The following FARP1 variants were observed in gnomAD, a reference collection of about 807,000 sequenced individuals.
The protein encoded by FARP1 is FERM, ARHGEF and pleckstrin domain-containing protein 1.
Under a neutral mutation model 128.8 loss-of-function variants are expected in FARP1, and 52 were observed. The ratio of observed to expected loss-of-function variants is 0.40; its 90% CI spans 0.32 to 0.51. The LOEUF (loss-of-function observed/expected upper bound fraction) is 0.51. Among genes scored for constraint, FARP1 ranks in the 20% least tolerant of loss-of-function variants. The pLI, the probability that FARP1 is intolerant of heterozygous loss-of-function variation, is 0.45. For synonymous variants in FARP1, 580 were observed against 551.8 expected, an observed-to-expected ratio of 1.05 and a Z score of -0.72; for missense variants, 1,333 against 1,367.9, an observed-to-expected ratio of 0.97 and a Z score of 0.40.
At chr13:98,281,167 A>G (rs1200336759) in intron 2 of FARP1, among the ~76,000 whole-genome samples, 68 of 152,306 alleles carry the variant, frequency 4.5e-4, no homozygotes, top group South Asian at 2.1e-4. Context: ...TAGCCTGGCC[A>G]ACATGGTAAA....
chr13:98,411,975 A>C lies in FARP1; in HGVS notation c.1767A>C (p.Glu589Asp). ...AAAGTCTCATATTCCCGAATTTTGA[A>C]CCTTTGCACAAATTTCATACTAATT... is the stretch of plus-strand genomic sequence containing the variant. The part of the protein sequence containing the change: ...ALKSLIFPNF[E>D]PLHKFHTNFL... The change falls in exon 16 of 27, where the codon GAA becomes GAC. Residue 589 changes from glutamate to aspartate, a missense_variant. Around this residue, in one of 2 missense-constraint regions of FARP1, gnomAD observed 1,009 missense variants for 969.8 expected, o/e 1.04. Coordinates refer to ENST00000319562, the MANE Select transcript of FARP1 (RefSeq NM_005766.4). 1 of 1,614,068 alleles carries C rather than the reference A, an allele frequency of 6.2e-7. No individual in the cohort carries two copies.
At chr13:98,191,479 A>G (rs1013301626) in intron 1 of FARP1, among the ~76,000 whole-genome samples, 6 of 152,244 alleles carry the variant, frequency 3.9e-5, no homozygotes, top group African/African-American at 1.4e-4. Flanking sequence ...TGAAGTATTC[A>G]TCAATATGAG....
chr13:98,399,458 T>G (rs1890676804), intron 13 of FARP1: 1 of 152,244 alleles, frequency 6.6e-6, no homozygotes, highest in South Asian at 2.1e-4. Context: ...GCAGATCTCA[T>G]TCTAGCTTAA....
At chr13:98,401,820 T>C (rs765727083) in intron 13 of FARP1, 1 of 152,212 alleles carries the variant, frequency 6.6e-6, no homozygotes, top group Non-Finnish European at 1.5e-5. Context: ...TCCTGAAAGC[T>C]TTAAACATTG....
At chr13:98,412,443 A>G (rs1891228323) in intron 16 of FARP1, among the ~76,000 whole-genome samples, 1 of 152,242 alleles carries the variant, frequency 6.6e-6, no homozygotes, top group Non-Finnish European at 1.5e-5. Flanking sequence ...TCTGTATTCT[A>G]TTCCAGTGTT....
In FARP1 at chr13:98,343,933, G is replaced by C. The variant is rs867401684; in HGVS notation, c.276+67G>C. 2.8e-4 allele frequency: 284 copies of C among 1,026,746 alleles called. 2 individuals carry two copies. In the African/African-American group the frequency reaches 3.9e-3, roughly 14 times the overall value. The allele number at this position is 1,026,746 out of a possible 1,614,324, so 63.6% of individuals were successfully genotyped here. Reference sequence around the variant, plus strand: ...CATCTTGGTGGGGGGCTGGGCAGGGGCCAGTCTAAATGATTGTGAGTGAGA... The same window carrying C: ...CATCTTGGTGGGGGGCTGGGCAGGGCCCAGTCTAAATGATTGTGAGTGAGA... On this transcript the variant is annotated intron_variant, in intron 3 of 26. Transcript: ENST00000319562.
intron 17 of FARP1, among the ~76,000 whole-genome samples, chr13:98,427,348 T>C (rs1891827161): frequency 6.6e-6 from 1 of 152,190 alleles, no homozygotes; most frequent in Admixed American, 6.5e-5. Context: ...GGACGCTGTT[T>C]CTGTTGTTCT....
At chr13:98,390,154 GTGCACGTTTTTCC>G (rs1161835093) in intron 10 of FARP1, 34 bp downstream of exon 10, 21 of 1,600,548 alleles carry the variant, frequency 1.3e-5, no homozygotes, top group Non-Finnish European at 1.8e-5. Flanking sequence ...TGTTTGCTGG[GTGCACGTTTTTCC>G]TCCCGCCTCT....
At chr13:98,438,100 AATGATCATTTTT>A (rs1372784497) in intron 19 of FARP1, among the ~76,000 whole-genome samples, 1 of 152,100 alleles carries the variant, frequency 6.6e-6, no homozygotes, top group Admixed American at 6.5e-5. Context: ...ACAATTTAAA[AATGATCATTTTT>A]TTGTTTTTAA....
intron 18 of FARP1, chr13:98,432,644 T>A (rs1397600637): frequency 3.9e-5 from 6 of 152,258 alleles, no homozygotes; most frequent in South Asian, 2.1e-4. Flanking sequence ...TCATCTTTTT[T>A]AAAAATCCAT....
chr13:98,351,610 TAAA>T (rs67814587), intron 3 of FARP1, among the ~76,000 whole-genome samples: 5 of 124,634 alleles, frequency 4.0e-5, no homozygotes, highest in Non-Finnish European at 5.1e-5. Context: ...AGACTCCATC[TAAA>T]AAAAAAAAAA....
chr13:98,175,684 C>T (rs1278809514), intron 1 of FARP1: 7 of 161,544 alleles, frequency 4.3e-5, no homozygotes, highest in Admixed American at 1.2e-4. Flanking sequence ...CAGCTCCCCA[C>T]TCCCGCTCTT....
intron 5 of FARP1, among the ~76,000 whole-genome samples, chr13:98,373,068 G>C (rs1200301897): frequency 2.0e-5 from 3 of 152,160 alleles, no homozygotes; most frequent in African/African-American, 7.2e-5. Flanking sequence ...AAGGGCCTTG[G>C]ATCAGGAAGA....
At chr13:98,331,170 T>A (rs1361970627) in intron 2 of FARP1, among the ~76,000 whole-genome samples, 1 of 152,232 alleles carries the variant, frequency 6.6e-6, no homozygotes, top group East Asian at 1.9e-4. Flanking sequence ...TTAAAAAATG[T>A]GCTTAGTAAT....
intron 2 of FARP1, among the ~76,000 whole-genome samples, chr13:98,331,030 T>G (rs1887486602): frequency 6.6e-6 from 1 of 152,180 alleles, no homozygotes; most frequent in East Asian, 1.9e-4. Flanking sequence ...TGGCCATCGA[T>G]CAGCATCCCT....
At chr13:98,304,344 C>T (rs908456583) in intron 2 of FARP1, among the ~76,000 whole-genome samples, 24 of 152,230 alleles carry the variant, frequency 1.6e-4, no homozygotes, top group Non-Finnish European at 2.9e-4. Context: ...CATCTAAGAA[C>T]TAGGTGGGAA....
chr13:98,246,895 A>G (rs1294989201), intron 2 of FARP1, among the ~76,000 whole-genome samples: 1 of 152,184 alleles, frequency 6.6e-6, no homozygotes, highest in Non-Finnish European at 1.5e-5. Flanking sequence ...AACCGTCTAC[A>G]CAGAACCGAG....
rs764959447 is a variant in FARP1 at position 98,431,258 on chromosome 13, C to T, written c.2121C>T (p.His707=). Reference sequence around the variant, plus strand: ...TGTGCAAACACCACCCGCCGAGCCACGCCGACTTCAGGGACTGCCGAGGTG... The same window carrying T: ...TGTGCAAACACCACCCGCCGAGCCATGCCGACTTCAGGGACTGCCGAGGTG... ...ERLCKHHPPS[H]ADFRDCRAAL... The change falls in exon 18 of 27, where the codon CAC becomes CAT. Residue 707 remains histidine, a synonymous_variant. Coordinates refer to ENST00000319562, the MANE Select transcript of FARP1 (RefSeq NM_005766.4). The T allele has an allele frequency of 1.5e-4, 239 of 1,590,840 alleles. No individual in the cohort carries two copies. The highest frequency in any genetic ancestry group is 1.9e-4 in the Admixed American group (11 of 56,662).
Position 98,451,305 on chromosome 13 carries a change from G to T in FARP1, c.*2988G>T, listed in dbSNP as rs1474325166. On this transcript the variant is annotated 3_prime_UTR_variant, in exon 27 of 27. Transcript: ENST00000319562. The stretch of plus-strand genomic sequence containing the variant: ...ACTTATGCCGCCGGCCTCACGTAAG[G>T]AAACAGTTCCCCACACAGAATACTC... 1.3e-5 allele frequency: 2 copies of T among 152,086 alleles called. No individual in the cohort carries two copies. The highest frequency in any genetic ancestry group is 1.9e-4 in the East Asian group (1 of 5,188). 9.4% of individuals were successfully genotyped at this position (152,086 alleles called of 1,614,324 possible). A position where few individuals can be genotyped will look rare whatever the true frequency, so the allele number is the denominator to read the frequency against.
Sources: allele counts gnomAD v4.1 joint callset (sites outside exome capture counted in the v4.1 genomes callset), GRCh38; gene constraint gnomAD v4.1.1; regional missense constraint gnomAD v4.1.1; transcripts MANE v1.5; gene names NCBI Gene and HGNC (gene_info 2026-07-23, HGNC 2026-07-21).